MYBBP1A: variants seen among roughly 807,000 people sequenced by gnomAD.
The protein encoded by MYBBP1A is myb-binding protein 1A.
Under a neutral mutation model 136.3 loss-of-function variants are expected in MYBBP1A, and 147 were observed. That is an observed-to-expected ratio of 1.08 (90% CI 0.94 to 1.24). The LOEUF is 1.24. MYBBP1A is among the 50% of genes most tolerant of loss of function. The probability of loss-of-function intolerance (pLI) is 0.00; values close to 1 mark genes in which losing one functional copy is unlikely to be tolerated. For synonymous variants in MYBBP1A, 947 were observed against 735.8 expected, an observed-to-expected ratio of 1.29 and a Z score of -4.65; for missense variants, 2,060 against 1,727.4, an observed-to-expected ratio of 1.19 and a Z score of -3.41.
Position 4,545,715 on chromosome 17 carries a change from C to T in MYBBP1A, c.1968G>A (p.Leu656=), listed in dbSNP as rs145980644. Residue 656 remains leucine, a synonymous_variant, in exon 15 of 26, where the codon CTG becomes CTA. Transcript: ENST00000254718. Reference sequence around the variant, plus strand: ...GGTGGCTGGGCTGGGCCAACAGGGCCAGCAAGATCTCCACCAGCACCTCTA... The same window carrying T: ...GGTGGCTGGGCTGGGCCAACAGGGCTAGCAAGATCTCCACCAGCACCTCTA... ...PWVEVLVEIL[L]ALLAQPSHLM... 3 of 1,610,040 alleles carry T rather than the reference C, an allele frequency of 1.9e-6. No homozygotes were observed. Among genetic ancestry groups the T allele is most frequent in the African/African-American group, 1.3e-5 (1 of 74,898 alleles).
intron 8 of MYBBP1A, 80 bp from the exon 9 acceptor site, chr17:4,550,433 C>A (rs1034716758): frequency 1.3e-6 from 2 of 1,499,128 alleles, no homozygotes; most frequent in Non-Finnish European, 9.0e-7. Context: ...AGGGGGCAGG[C>A]GGGCAACAGC....
chr17:4,554,863 G>A lies in MYBBP1A; in HGVS notation c.292C>T (p.Gln98Ter). The A allele has an allele frequency of 6.2e-7, 1 of 1,613,368 alleles. No individual in the cohort carries two copies. The highest frequency in any genetic ancestry group is 1.1e-5 in the South Asian group (1 of 91,066). Residue 98 changes from glutamine (Q) to a stop codon, truncating the protein, a stop_gained and splice_region_variant, in exon 2 of 26, where the codon CAG (glutamine) becomes TAG (stop). Coordinates refer to ENST00000254718, the MANE Select transcript of MYBBP1A (RefSeq NM_014520.4). LOFTEE classifies it high-confidence loss of function. Reference protein sequence around the residue: ...ARPCYSLALAQLLQSFEDLPL... With the variant: ...ARPCYSLALA The stretch of plus-strand genomic sequence containing the variant: ...CCCTGCCAGGAGCACCACCTCACCT[G>A]TGCCAGGGCCAAACTGTAGCAGGGC...
chr17:4,544,554 G>A lies in MYBBP1A; in HGVS notation c.2574C>T (p.Arg858=), dbSNP rs1371467101. 4 of 1,562,632 alleles carry A rather than the reference G, an allele frequency of 2.6e-6. No individual in the cohort carries two copies. Among genetic ancestry groups the A allele is most frequent in the East Asian group, 2.4e-5 (1 of 41,882 alleles). ...GTTTGGAGCTGCTGCTGCGCAGGCTGCGCCGGATGATGCTCAGCAGCGGCT... is the reference window on the plus strand; with the variant it reads ...GTTTGGAGCTGCTGCTGCGCAGGCTACGCCGGATGATGCTCAGCAGCGGCT... ...LLEPLLSIIR[R]SLRSSSSKQE... Residue 858 remains arginine, a synonymous_variant, in exon 19 of 26, where the codon CGC becomes CGT. Coordinates refer to ENST00000254718, the MANE Select transcript of MYBBP1A (RefSeq NM_014520.4).
rs200976848 is a variant in MYBBP1A, at chr17:4,543,029, C to T, written c.2776G>A (p.Ala926Thr). The T allele has an allele frequency of 7.3e-5, 117 of 1,613,706 alleles. No homozygotes were observed. Among genetic ancestry groups the T allele is most frequent in the African/African-American group, 2.7e-4 (20 of 74,934 alleles). The change falls in exon 20 of 26, where the codon GCC becomes ACC. Residue 926 changes from alanine to threonine, a missense_variant. By Grantham distance (58) the Ala-to-Thr change is moderately conservative. Transcript: ENST00000254718. ...AAGACCCGGAGCAGGTAGAGAGAGG[C>T]GTTGAAGTGGTAGAGGGCGGTGGGG... ...DSPTALYHFN[A>T]SLYLLRVLKG...
chr17:4,553,922 TCCCCACA>T lies in MYBBP1A; in HGVS notation c.454-12_454-6del. On this transcript the variant is annotated splice_polypyrimidine_tract_variant and splice_region_variant and intron_variant, in intron 4 of 25. Transcript: ENST00000254718. ...CTTCATCAGTGCCTCCTGGTCCTGG[TCCCCACA>T]GAGGGACAGAGGGTATGAGCAGGGC... 6.2e-7 allele frequency: 1 copy of T among 1,613,890 alleles called. No individual in the cohort carries two copies. Among genetic ancestry groups the T allele is most frequent in the East Asian group, 2.2e-5 (1 of 44,866 alleles).
In MYBBP1A at chr17:4,544,844, G is replaced by A. The variant is rs909049976; in HGVS notation, c.2388C>T (p.Leu796=). Residue 796 remains leucine (L), a synonymous_variant, in exon 18 of 26, where the codon CTC becomes CTT. Coordinates refer to ENST00000254718, the MANE Select transcript of MYBBP1A (RefSeq NM_014520.4). ...GGATACGCAGCTTCTGCTCGGCAAA[G>A]AGGCTGGCGAGGCTCTGGTCCAGGG... The part of the protein sequence containing the change: ...MMALDQSLAS[L]FAEQKLRIQA... 20 of 1,606,904 alleles carry A rather than the reference G, an allele frequency of 1.2e-5. No homozygotes were observed. Among genetic ancestry groups the A allele is most frequent in the Non-Finnish European group, 1.7e-5 (20 of 1,177,432 alleles).
At chr17:4,544,668 A>G (rs956179531) in intron 18 of MYBBP1A, 22 bp from the exon 19 acceptor site, 2 of 1,502,898 alleles carry the variant, frequency 1.3e-6, no homozygotes, top group African/African-American at 1.5e-5. Context: ...AGGGCAGGTC[A>G]GCAACACGGG....
In MYBBP1A at chr17:4,545,649, G is replaced by A. The variant is rs774293665; in HGVS notation, c.2034C>T (p.Cys678=). The change falls in exon 15 of 26, where the codon TGC becomes TGT. Residue 678 remains cysteine (C), a synonymous_variant. Transcript: ENST00000254718. ...GCAGGGCACGCGGGGTCAGGTGGGA[G>A]CAGATGTGGCCAAACACGCTCCGGG... ...QVARSVFGHI[C]SHLTPRALQL... The A allele has an allele frequency of 1.9e-6, 3 of 1,609,850 alleles. No individual in the cohort carries two copies. The highest frequency in any genetic ancestry group is 4.5e-5 in the East Asian group (2 of 44,742).
In MYBBP1A at chr17:4,540,935, C is replaced by T. The variant is rs192449670; in HGVS notation, c.3298-451G>A. Reference sequence around the variant, plus strand: ...CAGCCAGTTTTGTAAGGCCCCGTCCCGGGCCCCGCCTCTGCCTGCCAGCAC... The same window carrying T: ...CAGCCAGTTTTGTAAGGCCCCGTCCTGGGCCCCGCCTCTGCCTGCCAGCAC... On this transcript the variant is annotated intron_variant, in intron 24 of 25. Transcript: ENST00000254718. Among the ~76,000 whole-genome samples the T allele has an allele frequency of 8.7e-3, 1,318 of 152,360 alleles. 13 individuals are homozygous for T. The highest frequency in any genetic ancestry group is 0.014 in the Non-Finnish European group (963 of 68,024).
Position 4,548,177 on chromosome 17 carries a change from G to C in MYBBP1A, c.1690C>G (p.Pro564Ala), listed in dbSNP as rs1195191183. ...NHSHNVTTVTPFTAQQRQAWD... is the reference protein window; with the variant it reads ...NHSHNVTTVTAFTAQQRQAWD... The stretch of plus-strand genomic sequence containing the variant: ...GCCTGGCGCTGCTGCGCAGTGAAGG[G>C]TGTCACGGTGGTCACGTTGTGGCTG... Residue 564 changes from proline (P) to alanine (A), a missense_variant, in exon 12 of 26, where the codon CCC (proline) becomes GCC (alanine). Transcript: ENST00000254718. This position sits in a 1 kb window ranked among gnomAD's most constrained non-coding sequence, Gnocchi z 4.2. 6.2e-7 allele frequency: 1 copy of C among 1,605,856 alleles called. No individual in the cohort carries two copies. The highest frequency in any genetic ancestry group is 8.5e-7 in the Non-Finnish European group (1 of 1,179,990).
chr17:4,550,754 C>T (rs938845813), intron 8 of MYBBP1A, among the ~76,000 whole-genome samples: 14 of 152,264 alleles, frequency 9.2e-5, no homozygotes, highest in African/African-American at 2.4e-4. Context: ...TCAAAGCCCA[C>T]GCTGCCAATT....
chr17:4,554,680 G>A (rs1378210629), intron 2 of MYBBP1A, among the ~76,000 whole-genome samples, 181 bp downstream of exon 2: 1 of 152,164 alleles, frequency 6.6e-6, no homozygotes, highest in Non-Finnish European at 1.5e-5. Context: ...GCCAGGCCTT[G>A]CTCACACCTT....
In MYBBP1A at chr17:4,552,279, G is replaced by A. The variant is rs151071229; in HGVS notation, c.751C>T (p.Leu251=). Residue 251 remains leucine, a synonymous_variant, in exon 7 of 26, where the codon CTG becomes TTG. Coordinates refer to ENST00000254718, the MANE Select transcript of MYBBP1A (RefSeq NM_014520.4). The surrounding 1 kb of genome is among the most constrained non-coding windows in gnomAD (Gnocchi z 4.7). ...TTCACAGAGGAGGCGGCCATCTTCA[G>A]CACATTCACCAGCCTGCGGAGGGCA... ...DENVPRLVNV[L]KMAASSVKKD... 2.7e-5 allele frequency: 43 copies of A among 1,614,064 alleles called. No individual in the cohort carries two copies. In the African/African-American group the frequency reaches 5.6e-4, roughly 21 times the overall value.
chr17:4,553,954 C>A, intron 4 of MYBBP1A, 37 bp from the exon 5 acceptor site: 1 of 1,613,006 alleles, frequency 6.2e-7, no homozygotes, highest in Non-Finnish European at 8.5e-7. Flanking sequence ...ATGAGCAGGG[C>A]ACACGACTGT....
chr17:4,543,193 C>A (rs1426220716), intron 19 of MYBBP1A, 28 bp from the exon 20 acceptor site: 1 of 1,578,800 alleles, frequency 6.3e-7, no homozygotes, highest in African/African-American at 1.3e-5. Context: ...GAGAGCTGGT[C>A]AGAACATTCT....
At chr17:4,553,585 C>A (rs569475400) in intron 5 of MYBBP1A, among the ~76,000 whole-genome samples, 2 of 152,218 alleles carry the variant, frequency 1.3e-5, no homozygotes, top group Non-Finnish European at 2.9e-5. Context: ...TATACCAATG[C>A]ACACTGAAAT....
Position 4,548,727 on chromosome 17 carries a change from C to T in MYBBP1A, c.1431-78G>A, listed in dbSNP as rs369169062. The T allele has an allele frequency of 1.8e-5, 28 of 1,589,222 alleles. No individual in the cohort carries two copies. In the South Asian group the frequency reaches 2.1e-4, roughly 12 times the overall value. On this transcript the variant is annotated intron_variant, in intron 10 of 25. Coordinates refer to ENST00000254718, the MANE Select transcript of MYBBP1A (RefSeq NM_014520.4). This position sits in a 1 kb window ranked among gnomAD's most constrained non-coding sequence, Gnocchi z 4.2. ...GGCTCCCCTCCTTGGATGGTACCAC[C>T]GAGGGTACAAGGCCAGGAGGAGGAG...
chr17:4,549,208 G>GC (rs1388130858), intron 10 of MYBBP1A, 124 bp downstream of exon 10: 3 of 753,508 alleles, frequency 4.0e-6, no homozygotes, highest in East Asian at 2.8e-5. Context: ...CCTTGTGCCT[G>GC]CCCCCCACTG....
chr17:4,547,526 C>A (rs1907111550), intron 13 of MYBBP1A, among the ~76,000 whole-genome samples: 1 of 152,326 alleles, frequency 6.6e-6, no homozygotes, highest in Non-Finnish European at 1.5e-5. Context: ...CCAATAAGAG[C>A]AGCTTATGTC....
Sources: allele counts gnomAD v4.1 joint callset (sites outside exome capture counted in the v4.1 genomes callset), GRCh38; gene constraint gnomAD v4.1.1; non-coding constraint Gnocchi (gnomAD v3.1); transcripts MANE v1.5; gene names NCBI Gene and HGNC (gene_info 2026-07-23, HGNC 2026-07-21).